The following ABLIM3 variants were observed in gnomAD, a reference collection of about 807,000 sequenced individuals.
The protein encoded by ABLIM3 is actin binding LIM protein family member 3, also known as actin-binding LIM protein 3.
A neutral mutation model predicts 109.5 loss-of-function variants in ABLIM3; 61 were observed. That is an observed-to-expected ratio of 0.56 (90% confidence interval 0.45 to 0.69). The LOEUF (loss-of-function observed/expected upper bound fraction) is 0.69, where lower values mean the gene tolerates loss of function less well. Ranked by LOEUF, ABLIM3 falls within the 30% of genes least tolerant of loss-of-function variation. The probability of loss-of-function intolerance (pLI) is 0.00; values close to 1 mark genes in which losing one functional copy is unlikely to be tolerated. For synonymous variants in ABLIM3, 300 were observed against 324.8 expected, an observed-to-expected ratio of 0.92 and a Z score of 0.82; for missense variants, 796 against 889.5, an observed-to-expected ratio of 0.89 and a Z score of 1.34.
At chr5:149,210,090 G>A (rs561661352) in intron 6 of ABLIM3, among the ~76,000 whole-genome samples, 1 of 152,296 alleles carries the variant, frequency 6.6e-6, no homozygotes, top group East Asian at 1.9e-4. Flanking sequence ...AGAGAACTGA[G>A]AACCAAATGT....
intron 2 of ABLIM3, among the ~76,000 whole-genome samples, chr5:149,167,207 T>G (rs952155901): frequency 1.3e-5 from 2 of 152,184 alleles, no homozygotes; most frequent in East Asian, 3.8e-4. Flanking sequence ...TCTAAGAAGT[T>G]ATTTGCCTCT....
chr5:149,249,518 G>A (rs892268601), intron 18 of ABLIM3, among the ~76,000 whole-genome samples: 2 of 152,230 alleles, frequency 1.3e-5, no homozygotes. Context: ...TGCGGGGTCT[G>A]TGCAGTGCAC....
At chr5:149,222,714 A>G (rs1255447104) in intron 8 of ABLIM3, among the ~76,000 whole-genome samples, 1 of 136,728 alleles carries the variant, frequency 7.3e-6, no homozygotes, top group Non-Finnish European at 1.5e-5. Context: ...TCCTGGTTTC[A>G]GGAGCTGTGT....
At position 149,192,109 on chromosome 5, in the gene ABLIM3, G is replaced by A. The variant is rs78221111; in HGVS notation, c.152-6110G>A. ...TGCTGAAGGCATTCTCTAAGATCAG[G>A]AACAAGATAGAGGTGCTCACTGTCA... is the stretch of plus-strand genomic sequence containing the variant. On this transcript the variant is annotated intron_variant, in intron 3 of 23. Transcript: ENST00000309868. Among the ~76,000 whole-genome samples the A allele has an allele frequency of 1.5e-3, 223 of 152,058 alleles. 5 individuals carry two copies. In the East Asian group the frequency reaches 0.041, roughly 28 times the overall value.
intron 8 of ABLIM3, among the ~76,000 whole-genome samples, chr5:149,228,349 G>A (rs536100800): frequency 1.3e-5 from 2 of 152,194 alleles, no homozygotes; most frequent in Admixed American, 1.3e-4. Context: ...AATTGCATTT[G>A]AGTCCCCTTC....
intron 2 of ABLIM3, among the ~76,000 whole-genome samples, chr5:149,182,033 G>T (rs1756514074): frequency 6.6e-6 from 1 of 152,174 alleles, no homozygotes; most frequent in Non-Finnish European, 1.5e-5. Context: ...CACAATTTCA[G>T]TTCACATTTC....
intron 10 of ABLIM3, among the ~76,000 whole-genome samples, chr5:149,235,879 G>T (rs771858412): frequency 4.1e-4 from 63 of 152,290 alleles, no homozygotes; most frequent in Middle Eastern, 6.8e-3. Context: ...AGACAGTGAG[G>T]TATTCAGGGA....
intron 2 of ABLIM3, among the ~76,000 whole-genome samples, chr5:149,173,772 A>G (rs887918054): frequency 3.3e-5 from 5 of 152,196 alleles, no homozygotes; most frequent in Admixed American, 2.6e-4. Flanking sequence ...CTGTAATCCC[A>G]GCACTTTGGG....
At chr5:149,142,320 G>A (rs1481764087) in intron 2 of ABLIM3, among the ~76,000 whole-genome samples, 2 of 152,224 alleles carry the variant, frequency 1.3e-5, no homozygotes, top group African/African-American at 4.8e-5. Context: ...TATTTTATCA[G>A]CGGCGCCGGC....
At chr5:149,149,227 T>G (rs1328099746) in intron 2 of ABLIM3, among the ~76,000 whole-genome samples, 1 of 152,178 alleles carries the variant, frequency 6.6e-6, no homozygotes, top group Non-Finnish European at 1.5e-5. Context: ...ACAGAATAGA[T>G]CATGTCTCTG....
rs913142734 is a variant in ABLIM3, at chr5:149,198,576, C to A, written c.335+174C>A. ...GGCCAGTGGTTTTCAAACACTGTAGCATCTGAATCTTTCTTATAAAATACA... is the reference window on the plus strand; with the variant it reads ...GGCCAGTGGTTTTCAAACACTGTAGAATCTGAATCTTTCTTATAAAATACA... On this transcript the variant is annotated intron_variant, in intron 4 of 23. Transcript: ENST00000309868. The surrounding 1 kb of genome is among the most constrained non-coding windows in gnomAD (Gnocchi z 4.2). Among the ~76,000 whole-genome samples the A allele has an allele frequency of 6.6e-6, 1 of 152,200 alleles. No individual in the cohort carries two copies. The highest frequency in any genetic ancestry group is 2.4e-5 in the African/African-American group (1 of 41,446).
chr5:149,196,210 C>T (rs879348252), intron 3 of ABLIM3, among the ~76,000 whole-genome samples: 3 of 152,178 alleles, frequency 2.0e-5, no homozygotes, highest in African/African-American at 4.8e-5. Context: ...CCCCTTAAGC[C>T]TCCAGTCCCC....
At position 149,233,237 on chromosome 5, in the gene ABLIM3, G is replaced by A; in HGVS notation, c.825G>A (p.Arg275=). ...ARAEKKLKHR[R]TSETSISPPG... ...CTTCATCTCTCTCACAGCATAGACG[G>A]ACATCTGAAACCTCCATCTCACCCC... Residue 275 remains arginine (R), a synonymous_variant, in exon 10 of 24, where the codon CGG becomes CGA. Transcript: ENST00000309868. 6.2e-7 allele frequency: 1 copy of A among 1,614,144 alleles called. No individual in the cohort carries two copies. The highest frequency in any genetic ancestry group is 1.1e-5 in the South Asian group (1 of 91,078).
intron 3 of ABLIM3, among the ~76,000 whole-genome samples, chr5:149,191,335 A>T (rs1032798134): frequency 4.6e-5 from 7 of 152,222 alleles, no homozygotes; most frequent in Admixed American, 1.3e-4. Context: ...AGATAACAAA[A>T]TTTATCAATT....
chr5:149,152,443 C>T (rs1402216738), intron 2 of ABLIM3, among the ~76,000 whole-genome samples: 2 of 152,132 alleles, frequency 1.3e-5, no homozygotes, highest in Non-Finnish European at 2.9e-5. Context: ...TGAGCAAAAC[C>T]CTGCCACATG....
intron 2 of ABLIM3, among the ~76,000 whole-genome samples, chr5:149,176,000 A>G (rs1755892506): frequency 6.6e-6 from 1 of 152,182 alleles, no homozygotes; most frequent in Admixed American, 6.5e-5. Context: ...AAGGTTTTAC[A>G]ACATCCTCCT....
chr5:149,213,074 C>A (rs981582018), intron 7 of ABLIM3, among the ~76,000 whole-genome samples: 5 of 152,154 alleles, frequency 3.3e-5, no homozygotes, highest in African/African-American at 7.2e-5. Context: ...GATTGCACCA[C>A]TACACTCCCG....
chr5:149,223,098 T>C (rs1760821882), intron 8 of ABLIM3, among the ~76,000 whole-genome samples: 1 of 151,974 alleles, frequency 6.6e-6, no homozygotes, highest in South Asian at 2.1e-4. Context: ...AAATAGAGTA[T>C]ATTTTAATTT....
At chr5:149,194,391 G>C (rs1214381854) in intron 3 of ABLIM3, among the ~76,000 whole-genome samples, 2 of 152,150 alleles carry the variant, frequency 1.3e-5, no homozygotes, top group Non-Finnish European at 2.9e-5. Flanking sequence ...ACTAAGTACT[G>C]TTGATGATAT....
Sources: allele counts gnomAD v4.1 joint callset (sites outside exome capture counted in the v4.1 genomes callset), GRCh38; gene constraint gnomAD v4.1.1; non-coding constraint Gnocchi (gnomAD v3.1); transcripts MANE v1.5; gene names NCBI Gene and HGNC (gene_info 2026-07-23, HGNC 2026-07-21).